CNTNAP2: variants seen among roughly 807,000 people sequenced by gnomAD.
CNTNAP2 encodes the protein contactin-associated protein-like 2.
CNTNAP2 carries 98 observed loss-of-function variants against 155.2 expected under a neutral mutation model. The observed-to-expected ratio is 0.63, with a 90% CI of 0.54 to 0.75. The LOEUF (loss-of-function observed/expected upper bound fraction) is 0.75, where lower values mean the gene tolerates loss of function less well. Among genes scored for constraint, CNTNAP2 ranks in the 30% least tolerant of loss-of-function variants. The pLI, the probability that CNTNAP2 is intolerant of heterozygous loss-of-function variation, is 0.00. For missense variants in CNTNAP2, 1,727 were observed against 1,688.1 expected, an observed-to-expected ratio of 1.02 and a Z score of -0.40; for synonymous variants, 651 against 631.2, an observed-to-expected ratio of 1.03 and a Z score of -0.47.
chr7:147,605,648 A>C (rs1170612176), intron 12 of CNTNAP2, among the ~76,000 whole-genome samples: 1 of 152,090 alleles, frequency 6.6e-6, no homozygotes, highest in Non-Finnish European at 1.5e-5. Context: ...CAGAGAGACA[A>C]TTCATGACAA....
At chr7:147,318,595 A>G (rs879732806) in intron 9 of CNTNAP2, among the ~76,000 whole-genome samples, 6 of 152,116 alleles carry the variant, frequency 3.9e-5, no homozygotes, top group Non-Finnish European at 7.4e-5. Context: ...GTTCTCACTC[A>G]TAAGTGGGAG....
chr7:148,171,800 G>A (rs759755403), intron 17 of CNTNAP2, among the ~76,000 whole-genome samples: 9 of 152,274 alleles, frequency 5.9e-5, no homozygotes, highest in East Asian at 1.9e-4. Flanking sequence ...CATTTCAAAC[G>A]GATTTATGTC....
intron 1 of CNTNAP2, among the ~76,000 whole-genome samples, chr7:146,585,921 C>CT (rs1368042757): frequency 6.6e-6 from 1 of 152,060 alleles, no homozygotes; most frequent in Admixed American, 6.5e-5. Flanking sequence ...AGGAGGATTA[C>CT]TTGTGCTTGA....
chr7:146,285,978 CTGTGTGTGTGTGTGTGTGTGTG>C (rs540809295), intron 1 of CNTNAP2, among the ~76,000 whole-genome samples: 2 of 33,710 alleles, frequency 5.9e-5, no homozygotes, highest in East Asian at 1.5e-3. Context: ...CCTTCCTTCT[CTGTGTGTGTGTGTGTGTGTGTG>C]TGTGTGTGTG....
At chr7:147,479,927 A>G (rs1798392385) in intron 10 of CNTNAP2, among the ~76,000 whole-genome samples, 1 of 152,152 alleles carries the variant, frequency 6.6e-6, no homozygotes, top group Admixed American at 6.5e-5. Flanking sequence ...ATTTTTCTAA[A>G]TAATTTCTAT....
intron 21 of CNTNAP2, among the ~76,000 whole-genome samples, chr7:148,330,112 A>AAT (rs2116554593): frequency 6.6e-6 from 1 of 152,136 alleles, no homozygotes; most frequent in Admixed American, 6.5e-5. Context: ...GGATAGATGG[A>AAT]GTGGATGGAT....
intron 9 of CNTNAP2, among the ~76,000 whole-genome samples, chr7:147,325,024 C>A (rs1306538681): frequency 6.6e-6 from 1 of 152,162 alleles, no homozygotes; most frequent in Non-Finnish European, 1.5e-5. Flanking sequence ...AATGTATAGG[C>A]CTGGCACAGT....
chr7:147,190,000 T>C (rs951104585), intron 8 of CNTNAP2, among the ~76,000 whole-genome samples: 1 of 152,126 alleles, frequency 6.6e-6, no homozygotes, highest in African/African-American at 2.4e-5. Flanking sequence ...CGCCTCGGCC[T>C]CCCAAAGAGC....
At chr7:147,213,128 T>C (rs187162170) in intron 8 of CNTNAP2, among the ~76,000 whole-genome samples, 1 of 152,194 alleles carries the variant, frequency 6.6e-6, no homozygotes, top group African/African-American at 2.4e-5. Flanking sequence ...TCTCTACAAA[T>C]TGAAAAATGA....
chr7:146,386,464 C>G (rs1278633332), intron 1 of CNTNAP2, among the ~76,000 whole-genome samples: 1 of 152,170 alleles, frequency 6.6e-6, no homozygotes, highest in African/African-American at 2.4e-5. Flanking sequence ...TCTTGGCTCA[C>G]TGAAACCTCT....
intron 9 of CNTNAP2, among the ~76,000 whole-genome samples, chr7:147,336,951 C>T (rs1307050977): frequency 1.3e-5 from 2 of 152,116 alleles, no homozygotes; most frequent in Non-Finnish European, 2.9e-5. Flanking sequence ...CTAGTGTTAT[C>T]AGCCAAGTTA....
chr7:146,768,402 C>T (rs918152560), intron 1 of CNTNAP2, among the ~76,000 whole-genome samples: 2 of 151,606 alleles, frequency 1.3e-5, no homozygotes, highest in East Asian at 2.0e-4. Context: ...CTGAGTGTCC[C>T]GATGTTGTGT....
At chr7:147,006,151 G>A (rs974015138) in intron 3 of CNTNAP2, among the ~76,000 whole-genome samples, 6 of 151,866 alleles carry the variant, frequency 4.0e-5, no homozygotes, top group Admixed American at 2.6e-4. Context: ...AATCCAAAGG[G>A]GTAGTTAGAA....
intron 13 of CNTNAP2, among the ~76,000 whole-genome samples, chr7:147,856,912 G>C (rs1799049359): frequency 6.6e-6 from 1 of 152,238 alleles, no homozygotes; most frequent in East Asian, 1.9e-4. Flanking sequence ...AAGGAAATCT[G>C]TCTCAAGAGA....
chr7:146,741,167 C>T (rs1273361097), intron 1 of CNTNAP2, among the ~76,000 whole-genome samples: 2 of 152,064 alleles, frequency 1.3e-5, no homozygotes, highest in African/African-American at 4.8e-5. Flanking sequence ...AACTGTGATT[C>T]CTACCCTTTC....
chr7:148,204,220 A>T (rs1426904143), intron 18 of CNTNAP2, among the ~76,000 whole-genome samples: 3 of 152,224 alleles, frequency 2.0e-5, no homozygotes, highest in Non-Finnish European at 2.9e-5. Flanking sequence ...ATGTTCTCTA[A>T]AGAAGGCAGA....
At chr7:147,152,363 A>G (rs1801844545) in intron 8 of CNTNAP2, among the ~76,000 whole-genome samples, 1 of 151,976 alleles carries the variant, frequency 6.6e-6, no homozygotes, top group Non-Finnish European at 1.5e-5. Context: ...GTTCAAATCT[A>G]CCACATACTT....
chr7:147,363,428 T>G (rs73740613), intron 9 of CNTNAP2, among the ~76,000 whole-genome samples: 3,011 of 152,324 alleles, frequency 0.02, 99 homozygotes, highest in African/African-American at 0.069. Context: ...AGAATGTGAC[T>G]GTTATTTGTC....
chr7:147,831,109 A>G (rs919095068), intron 13 of CNTNAP2, among the ~76,000 whole-genome samples: 1 of 152,210 alleles, frequency 6.6e-6, no homozygotes, highest in Non-Finnish European at 1.5e-5. Context: ...TAATATGAGA[A>G]CAATAAATGT....
Sources: gnomAD v4.1 joint callset for allele counts (sites outside exome capture counted in the v4.1 genomes callset) on GRCh38, gnomAD v4.1.1 for gene constraint, MANE v1.5 for transcripts, NCBI Gene and HGNC (gene_info 2026-07-23, HGNC 2026-07-21) for gene names.